Variants in DMC1 observed in about 807,000 individuals in gnomAD.
DMC1 encodes the protein meiotic recombination protein DMC1 homolog.
In DMC1, 27 loss-of-function variants were observed where a neutral mutation model predicts 50.1. The observed-to-expected ratio is 0.54, with a 90% CI of 0.40 to 0.74. The LOEUF (loss-of-function observed/expected upper bound fraction) is 0.74. Ranked by LOEUF, DMC1 falls within the 30% of genes least tolerant of loss-of-function variation. The pLI is 0.00. For synonymous variants in DMC1, 148 were observed against 136.1 expected, an observed-to-expected ratio of 1.09 and a Z score of -0.61; for missense variants, 295 against 420.2, an observed-to-expected ratio of 0.70 and a Z score of 2.60.
intron 12 of DMC1, among the ~76,000 whole-genome samples, chr22:38,526,210 A>ATT (rs951198000): frequency 6.8e-6 from 1 of 146,160 alleles, no homozygotes. Context: ...AAATTTATGG[A>ATT]TTTTTTTTTT....
intron 12 of DMC1, among the ~76,000 whole-genome samples, chr22:38,534,017 C>T (rs1412799817): frequency 6.6e-6 from 1 of 152,128 alleles, no homozygotes; most frequent in Non-Finnish European, 1.5e-5. Context: ...CATTGCAAAA[C>T]AGTTGGTCTG....
intron 7 of DMC1, among the ~76,000 whole-genome samples, chr22:38,551,192 G>C (rs2090405972): frequency 6.6e-6 from 1 of 151,488 alleles, no homozygotes; most frequent in Non-Finnish European, 1.5e-5. Context: ...AGGTTGCAGT[G>C]AGCTGAGATC....
chr22:38,539,484 A>G (rs1398452634), intron 8 of DMC1, 72 bp from the exon 9 acceptor site: 1 of 1,152,834 alleles, frequency 8.7e-7, no homozygotes, highest in African/African-American at 1.5e-5. Flanking sequence ...ACAAAACATA[A>G]TATCTTCCGT....
At chr22:38,536,614 CT>C (rs968547223) in intron 12 of DMC1, among the ~76,000 whole-genome samples, 1 of 152,066 alleles carries the variant, frequency 6.6e-6, no homozygotes, top group Non-Finnish European at 1.5e-5. Flanking sequence ...AGAAAGATGA[CT>C]TTTTTGTTTT....
At chr22:38,514,440 C>T (rs186367760), downstream of DMC1, among the ~76,000 whole-genome samples, 1 of 151,858 alleles carries the variant, frequency 6.6e-6, no homozygotes, top group Admixed American at 6.6e-5. Flanking sequence ...AGACGGGTTT[C>T]ACCATGTTGG....
the DMC1 span, among the ~76,000 whole-genome samples, chr22:38,512,325 C>T: frequency 6.6e-6 from 1 of 152,202 alleles, no homozygotes; most frequent in East Asian, 1.9e-4. Context: ...AGAGCTCCAG[C>T]TGCCAACTTA....
the DMC1 span, among the ~76,000 whole-genome samples, chr22:38,509,851 A>C: frequency 6.6e-5 from 10 of 152,004 alleles, no homozygotes; most frequent in Non-Finnish European, 1.2e-4. Flanking sequence ...TTTTTAGTAG[A>C]GACTGGCTTT....
intron 5 of DMC1, among the ~76,000 whole-genome samples, chr22:38,556,276 A>G (rs985313356): frequency 6.6e-6 from 1 of 151,616 alleles, no homozygotes; most frequent in Admixed American, 6.6e-5. Flanking sequence ...TATTTTTTGT[A>G]TGGCTGGGGT....
chr22:38,532,810 G>C (rs577508618), intron 12 of DMC1, among the ~76,000 whole-genome samples: 160 of 151,206 alleles, frequency 1.1e-3, no homozygotes, highest in Admixed American at 1.8e-3. Flanking sequence ...TTAGAGACGA[G>C]GTCTGTCTAT....
chr22:38,516,149 T>G (rs1396762297), downstream of DMC1, among the ~76,000 whole-genome samples: 1 of 152,204 alleles, frequency 6.6e-6, no homozygotes, highest in African/African-American at 2.4e-5. Context: ...CCCAGATACC[T>G]GCATAATCTG....
At chr22:38,562,051 T>C (rs930550997) in intron 5 of DMC1, among the ~76,000 whole-genome samples, 1 of 152,198 alleles carries the variant, frequency 6.6e-6, no homozygotes, top group Non-Finnish European at 1.5e-5. Context: ...GAGATTAATA[T>C]TGGCTGATTC....
At chr22:38,550,952 A>C (rs1602751506) in intron 7 of DMC1, among the ~76,000 whole-genome samples, 1 of 145,114 alleles carries the variant, frequency 6.9e-6, no homozygotes, top group East Asian at 2.0e-4. Flanking sequence ...AAAAAAAAGA[A>C]AGAAAGAAAG....
chr22:38,535,440 A>G (rs1323513015), intron 12 of DMC1, among the ~76,000 whole-genome samples: 1 of 152,116 alleles, frequency 6.6e-6, no homozygotes, highest in Non-Finnish European at 1.5e-5. Context: ...ACACACACAT[A>G]CAGGAGAGAG....
downstream of DMC1, among the ~76,000 whole-genome samples, chr22:38,514,444 A>G (rs1393137407): frequency 1.3e-5 from 2 of 151,758 alleles, no homozygotes; most frequent in South Asian, 2.1e-4. Flanking sequence ...GGGTTTCACC[A>G]TGTTGGCCAG....
At chr22:38,549,802 G>T in intron 8 of DMC1, 123 bp downstream of exon 8, 2 of 720,132 alleles carry the variant, frequency 2.8e-6, no homozygotes, top group South Asian at 1.7e-5. Context: ...TTTTCCCTTT[G>T]GTTTGTCTCA....
At chr22:38,565,364 A>AC (rs1265564138) in intron 4 of DMC1, among the ~76,000 whole-genome samples, 2 of 152,194 alleles carry the variant, frequency 1.3e-5, no homozygotes, top group Admixed American at 1.3e-4. Flanking sequence ...GACATGGCCC[A>AC]CCAATGTGCC....
chr22:38,568,926 C>T (rs2090609465), intron 1 of DMC1, among the ~76,000 whole-genome samples: 1 of 152,082 alleles, frequency 6.6e-6, no homozygotes, highest in South Asian at 2.1e-4. Context: ...GGTGTGGAGG[C>T]TCATGCCTGT....
At chr22:38,551,866 T>C (rs1163585829) in intron 7 of DMC1, among the ~76,000 whole-genome samples, 1 of 144,250 alleles carries the variant, frequency 6.9e-6, no homozygotes. Flanking sequence ...CTTTTTTTTT[T>C]TTTTTTTTTT....
At chr22:38,524,661 G>A (rs891879392) in intron 12 of DMC1, among the ~76,000 whole-genome samples, 2 of 151,964 alleles carry the variant, frequency 1.3e-5, no homozygotes, top group Non-Finnish European at 2.9e-5. Flanking sequence ...TTTCCCCACC[G>A]TGTCTGCTCA....
Sources: gnomAD v4.1 joint callset for allele counts (sites outside exome capture counted in the v4.1 genomes callset) on GRCh38, gnomAD v4.1.1 for gene constraint, MANE v1.5 for transcripts, NCBI Gene and HGNC (gene_info 2026-07-23, HGNC 2026-07-21) for gene names.